PGPEP1: variants seen among roughly 807,000 people sequenced by gnomAD.
PGPEP1 encodes pyroglutamyl-peptidase 1.
Under a neutral mutation model 24.1 loss-of-function variants are expected in PGPEP1, and 15 were observed. The ratio of observed to expected loss-of-function variants is 0.62; its 90% CI spans 0.42 to 0.96. The LOEUF (loss-of-function observed/expected upper bound fraction) is 0.96, where lower values mean the gene tolerates loss of function less well. Among genes scored for constraint, PGPEP1 ranks in the 40% least tolerant of loss-of-function variants. The probability of loss-of-function intolerance (pLI) is 0.00; values close to 1 mark genes in which losing one functional copy is unlikely to be tolerated. For synonymous variants in PGPEP1, 122 were observed against 116.4 expected, an observed-to-expected ratio of 1.05 and a Z score of -0.31; for missense variants, 242 against 273.4, an observed-to-expected ratio of 0.89 and a Z score of 0.81.
At chr19:18,341,690 C>T (rs1970674997) in intron 1 of PGPEP1, among the ~76,000 whole-genome samples, 1 of 152,150 alleles carries the variant, frequency 6.6e-6, no homozygotes, top group Non-Finnish European at 1.5e-5. Flanking sequence ...TTTGCATGAG[C>T]TGATTACATC....
intron 2 of PGPEP1, among the ~76,000 whole-genome samples, chr19:18,352,194 C>T (rs1283449405): frequency 2.8e-5 from 4 of 142,582 alleles, no homozygotes; most frequent in Non-Finnish European, 6.0e-5. Flanking sequence ...ATGGCGTGAA[C>T]CCGGGAGGCG....
chr19:18,368,975 T>G lies in PGPEP1; in HGVS notation c.*5392T>G, dbSNP rs1173065206. 1 of 152,100 alleles carries G rather than the reference T, an allele frequency of 6.6e-6. No individual in the cohort carries two copies. The highest frequency in any genetic ancestry group is 2.4e-5 in the African/African-American group (1 of 41,418). The allele number at this position is 152,100 out of a possible 1,614,324, so 9.4% of individuals were successfully genotyped here. A position where few individuals can be genotyped will look rare whatever the true frequency, so the allele number is the denominator to read the frequency against. On this transcript the variant is annotated 3_prime_UTR_variant, in exon 5 of 5. Transcript: ENST00000269919. ...TTTGTTTTTATAATCCGGATTAAAT[T>G]TCCCTTCCCTGGGCACAAGTGCCTC...
intron 1 of PGPEP1, 67 bp from the exon 2 acceptor site, chr19:18,342,792 G>T: frequency 8.0e-7 from 1 of 1,252,806 alleles, no homozygotes; most frequent in Non-Finnish European, 1.2e-6. Flanking sequence ...TGGGAGTAGC[G>T]GCCAGGCCAG....
intron 2 of PGPEP1, among the ~76,000 whole-genome samples, chr19:18,348,673 C>T (rs1970932122): frequency 6.6e-6 from 1 of 152,206 alleles, no homozygotes; most frequent in African/African-American, 2.4e-5. Flanking sequence ...AGGTGGCTCC[C>T]TGCCGTTACC....
intron 2 of PGPEP1, among the ~76,000 whole-genome samples, chr19:18,351,009 C>A (rs1971002715): frequency 6.6e-6 from 1 of 152,180 alleles, no homozygotes; most frequent in African/African-American, 2.4e-5. Context: ...CACAGTGGCT[C>A]ACGTCTGTAA....
chr19:18,342,011 G>T (rs908595931), intron 1 of PGPEP1, among the ~76,000 whole-genome samples: 3 of 151,914 alleles, frequency 2.0e-5, no homozygotes, highest in Non-Finnish European at 4.4e-5. Flanking sequence ...GGGTTCAAGC[G>T]ATTCTCCTGC....
intron 2 of PGPEP1, among the ~76,000 whole-genome samples, chr19:18,350,829 G>A (rs1297717914): frequency 6.6e-6 from 1 of 152,210 alleles, no homozygotes; most frequent in Non-Finnish European, 1.5e-5. Flanking sequence ...GGAGGCCGAG[G>A]TAGGAAGATC....
intron 4 of PGPEP1, among the ~76,000 whole-genome samples, chr19:18,362,468 G>A (rs1363426688): frequency 6.6e-6 from 1 of 152,040 alleles, no homozygotes; most frequent in Non-Finnish European, 1.5e-5. Flanking sequence ...GCTCACACCT[G>A]TAATCCCAGC....
At chr19:18,344,350 G>A (rs1184936200) in intron 2 of PGPEP1, among the ~76,000 whole-genome samples, 1 of 152,122 alleles carries the variant, frequency 6.6e-6, no homozygotes, top group East Asian at 1.9e-4. Flanking sequence ...AATGCACAGA[G>A]AGAAAGACGG....
chr19:18,351,283 T>C (rs1971016026), intron 2 of PGPEP1, among the ~76,000 whole-genome samples: 1 of 149,646 alleles, frequency 6.7e-6, no homozygotes, highest in Non-Finnish European at 1.5e-5. Flanking sequence ...CAAACAAAAC[T>C]TTACTTTTAA....
At chr19:18,355,639 GGCAGGATT>G (rs1568314799) in intron 2 of PGPEP1, among the ~76,000 whole-genome samples, 1 of 152,162 alleles carries the variant, frequency 6.6e-6, no homozygotes, top group African/African-American at 2.4e-5. Flanking sequence ...AGGTCACACA[GGCAGGATT>G]GAGTCCAAGG....
chr19:18,348,053 A>G (rs1185530967), intron 2 of PGPEP1, among the ~76,000 whole-genome samples: 5 of 148,002 alleles, frequency 3.4e-5, no homozygotes, highest in East Asian at 2.0e-4. Context: ...TACAGAGGGG[A>G]CCCCCCCTTG....
At chr19:18,356,563 A>G (rs1379033231) in intron 3 of PGPEP1, among the ~76,000 whole-genome samples, 1 of 152,036 alleles carries the variant, frequency 6.6e-6, no homozygotes, top group Non-Finnish European at 1.5e-5. Context: ...CCTGGGCAGC[A>G]TAGTGAGATC....
chr19:18,357,983 A>C, intron 4 of PGPEP1: 1 of 284,438 alleles, frequency 3.5e-6, no homozygotes, highest in South Asian at 3.7e-5. Flanking sequence ...GGTTTCATAT[A>C]ACAGAAATGT....
intron 2 of PGPEP1, among the ~76,000 whole-genome samples, chr19:18,345,175 T>A (rs1003398640): frequency 3.3e-5 from 5 of 152,054 alleles, no homozygotes; most frequent in Non-Finnish European, 2.9e-5. Context: ...CTAATTTTTG[T>A]ATTTTTAGTA....
intron 2 of PGPEP1, among the ~76,000 whole-genome samples, chr19:18,346,435 AT>A (rs1970845643): frequency 6.6e-6 from 1 of 151,818 alleles, no homozygotes; most frequent in South Asian, 2.1e-4. Context: ...GCCGTGACCG[AT>A]TTTTCGGAAG....
intron 2 of PGPEP1, among the ~76,000 whole-genome samples, chr19:18,352,612 G>A (rs1231984775): frequency 1.3e-5 from 2 of 151,712 alleles, no homozygotes; most frequent in Admixed American, 6.6e-5. Context: ...AGAGTGCAGT[G>A]GCACAATCTG....
intron 3 of PGPEP1, among the ~76,000 whole-genome samples, chr19:18,356,671 G>A (rs1043936733): frequency 4.6e-5 from 7 of 151,826 alleles, no homozygotes; most frequent in Non-Finnish European, 1.0e-4. Flanking sequence ...TTGAGCCCAG[G>A]AATTTAAGAC....
rs1252599079 is a variant in PGPEP1, at chr19:18,369,179, A to G, written c.*5596A>G. On this transcript the variant is annotated 3_prime_UTR_variant, in exon 5 of 5. Transcript: ENST00000269919. ...GGGTGGACGCTGAACATACCTGCTG[A>G]GAGACTCTGTCCCCTGGTTTCCAGG... is the stretch of plus-strand genomic sequence containing the variant. 1 of 152,236 alleles carries G rather than the reference A, an allele frequency of 6.6e-6. No homozygotes were observed. The highest frequency in any genetic ancestry group is 2.4e-5 in the African/African-American group (1 of 41,428). The allele number at this position is 152,236 out of a possible 1,614,324, so 9.4% of individuals were successfully genotyped here.
Sources: gnomAD v4.1 joint callset for allele counts (sites outside exome capture counted in the v4.1 genomes callset) on GRCh38, gnomAD v4.1.1 for gene constraint, MANE v1.5 for transcripts, NCBI Gene and HGNC (gene_info 2026-07-23, HGNC 2026-07-21) for gene names.